Variants in CFAP299 observed in about 807,000 individuals in gnomAD.
The protein encoded by CFAP299 is cilia and flagella associated protein 299, also known as cilia- and flagella-associated protein 299.
A neutral mutation model predicts 27.0 loss-of-function variants in CFAP299; 21 were observed. That is an observed-to-expected ratio of 0.78 (90% confidence interval 0.55 to 1.12). The LOEUF is 1.12. Ranked by LOEUF, CFAP299 falls within the 50% of genes most tolerant of loss-of-function variation. The pLI, the probability that CFAP299 is intolerant of heterozygous loss-of-function variation, is 0.00. For missense variants in CFAP299, 310 were observed against 276.6 expected (o/e 1.12, Z -0.86); for synonymous variants, 104 against 98.1 (o/e 1.06, Z -0.36).
chr4:80,349,076 C>G (rs1400561231), intron 1 of CFAP299, among the ~76,000 whole-genome samples: 1 of 152,184 alleles, frequency 6.6e-6, no homozygotes, highest in Non-Finnish European at 1.5e-5. Context: ...AATGAAACGT[C>G]TGTCAGGTGC....
At chr4:80,558,592 G>A (rs1443942011) in intron 2 of CFAP299, among the ~76,000 whole-genome samples, 2 of 151,494 alleles carry the variant, frequency 1.3e-5, no homozygotes, top group South Asian at 2.1e-4. Context: ...CCAAATAAGA[G>A]CGTCAGGCAG....
intron 3 of CFAP299, among the ~76,000 whole-genome samples, chr4:80,714,135 T>A (rs978057226): frequency 1.3e-5 from 2 of 152,132 alleles, no homozygotes; most frequent in African/African-American, 4.8e-5. Context: ...GAAGAGTTAT[T>A]TGAGAAACTG....
chr4:80,341,704 A>G (rs990770759), intron 1 of CFAP299, among the ~76,000 whole-genome samples: 4 of 152,368 alleles, frequency 2.6e-5, no homozygotes, highest in African/African-American at 7.2e-5. Flanking sequence ...GATAAGCCAC[A>G]AAATGTGAGA....
chr4:80,809,431 T>C (rs17004994), intron 3 of CFAP299, among the ~76,000 whole-genome samples: 8,289 of 152,196 alleles, frequency 0.054, 348 homozygotes, highest in East Asian at 0.22. Context: ...TTATACTTTT[T>C]CTTAATGGCT....
intron 4 of CFAP299, among the ~76,000 whole-genome samples, chr4:80,926,782 T>C (rs112545845): frequency 0.034 from 5,183 of 152,188 alleles, 203 homozygotes; most frequent in African/African-American, 0.096. Flanking sequence ...GAAAGAGTTC[T>C]GATATAGGAA....
At chr4:80,781,122 C>G (rs1368318645) in intron 3 of CFAP299, among the ~76,000 whole-genome samples, 1 of 151,932 alleles carries the variant, frequency 6.6e-6, no homozygotes, top group East Asian at 1.9e-4. Flanking sequence ...TGCCTTCTAT[C>G]CAAATATCTT....
intron 3 of CFAP299, among the ~76,000 whole-genome samples, chr4:80,864,507 TAC>T (rs1732590198): frequency 6.8e-6 from 1 of 147,518 alleles, no homozygotes; most frequent in Non-Finnish European, 1.5e-5. Context: ...TATACATATA[TAC>T]CTATATATAC....
At chr4:80,689,651 C>T (rs1437405808) in intron 3 of CFAP299, among the ~76,000 whole-genome samples, 2 of 152,228 alleles carry the variant, frequency 1.3e-5, no homozygotes, top group South Asian at 2.1e-4. Context: ...GCAAAATAAC[C>T]AGCTAACATC....
chr4:80,559,409 G>T (rs187544584), intron 2 of CFAP299, among the ~76,000 whole-genome samples: 194 of 152,274 alleles, frequency 1.3e-3, no homozygotes, highest in African/African-American at 3.9e-3. Flanking sequence ...AAGGGAAGAG[G>T]TGGAGCAAGA....
chr4:80,583,577 G>A (rs1348598765), intron 3 of CFAP299, among the ~76,000 whole-genome samples: 3 of 151,862 alleles, frequency 2.0e-5, no homozygotes, highest in Non-Finnish European at 2.9e-5. Flanking sequence ...ACCATAGTCT[G>A]CCTTTTAGTC....
intron 2 of CFAP299, among the ~76,000 whole-genome samples, chr4:80,569,629 T>C (rs372406652): frequency 7.5e-4 from 114 of 152,110 alleles, no homozygotes; most frequent in African/African-American, 2.6e-3. Flanking sequence ...TTAGCAAAAT[T>C]GCATGATGCA....
At chr4:80,365,799 A>C (rs1723797403) in intron 2 of CFAP299, among the ~76,000 whole-genome samples, 1 of 152,246 alleles carries the variant, frequency 6.6e-6, no homozygotes, top group Non-Finnish European at 1.5e-5. Flanking sequence ...TTTCATATCA[A>C]GACGAGTTAT....
chr4:80,623,253 T>C (rs1738697909), intron 3 of CFAP299, among the ~76,000 whole-genome samples: 1 of 138,734 alleles, frequency 7.2e-6, no homozygotes, highest in African/African-American at 3.2e-5. Flanking sequence ...GTAAGTAAAC[T>C]AATCGATGTT....
chr4:80,963,368 G>A lies in CFAP299; in HGVS notation c.607-149G>A, dbSNP rs1234766639. The A allele has an allele frequency of 4.1e-5, 24 of 587,796 alleles. No homozygotes were observed. The South Asian group carries it at 4.2e-4, about 10-fold the overall frequency. 36.4% of individuals were successfully genotyped at this position (587,796 alleles called of 1,614,324 possible). A position where few individuals can be genotyped will look rare whatever the true frequency, so the allele number is the denominator to read the frequency against. ...GAATTATGTTCACTCCTGAGAAAAA[G>A]ACTAGGGGGAAAACATGTATATATC... is the stretch of plus-strand genomic sequence containing the variant. On this transcript the variant is annotated intron_variant, in intron 5 of 5. Coordinates refer to ENST00000358105, the MANE Select transcript of CFAP299 (RefSeq NM_152770.3).
chr4:80,688,455 G>A (rs1448617350), intron 3 of CFAP299, among the ~76,000 whole-genome samples: 1 of 151,928 alleles, frequency 6.6e-6, no homozygotes, highest in African/African-American at 2.4e-5. Context: ...AGCCGGCCGG[G>A]TACTCCAACA....
At chr4:80,762,710 A>G (rs1434268806) in intron 3 of CFAP299, among the ~76,000 whole-genome samples, 1 of 152,108 alleles carries the variant, frequency 6.6e-6, no homozygotes, top group Non-Finnish European at 1.5e-5. Context: ...CTGGTGAACA[A>G]TCTTTTGCTG....
chr4:80,598,391 A>G (rs991710362), intron 3 of CFAP299, among the ~76,000 whole-genome samples: 7 of 152,244 alleles, frequency 4.6e-5, no homozygotes, highest in African/African-American at 1.4e-4. Context: ...TCATGTCACA[A>G]TATAAACTTC....
intron 3 of CFAP299, among the ~76,000 whole-genome samples, chr4:80,666,800 A>T (rs1177854177): frequency 6.6e-6 from 1 of 152,204 alleles, no homozygotes; most frequent in Non-Finnish European, 1.5e-5. Flanking sequence ...CTCACTGAAT[A>T]TCATAGCTCC....
intron 3 of CFAP299, among the ~76,000 whole-genome samples, chr4:80,714,722 C>T (rs1293628879): frequency 6.6e-6 from 1 of 151,774 alleles, no homozygotes; most frequent in Non-Finnish European, 1.5e-5. Context: ...TGCTCTTTCC[C>T]TTTGGAAACT....
Sources: allele counts gnomAD v4.1 joint callset (sites outside exome capture counted in the v4.1 genomes callset), GRCh38; gene constraint gnomAD v4.1.1; transcripts MANE v1.5; gene names NCBI Gene and HGNC (gene_info 2026-07-23, HGNC 2026-07-21).